The following PLAG1 variants were observed in gnomAD, a reference collection of about 807,000 sequenced individuals.
PLAG1 encodes the protein zinc finger protein PLAG1.
Under a neutral mutation model 35.5 loss-of-function variants are expected in PLAG1, and 7 were observed. The observed-to-expected ratio is 0.20, with a 90% CI of 0.11 to 0.37. The LOEUF is 0.37. Ranked by LOEUF, PLAG1 falls within the 10% of genes least tolerant of loss-of-function variation. The pLI is 1.00. For missense variants in PLAG1, 454 were observed against 602.8 expected (o/e 0.75, Z 2.58); for synonymous variants, 229 against 225.4 (o/e 1.02, Z -0.14).
chr8:56,167,219 G>A lies in PLAG1; in HGVS notation c.527C>T (p.Ser176Leu), dbSNP rs752565227. 5.0e-6 allele frequency: 8 copies of A among 1,613,904 alleles called. No individual in the cohort carries two copies. In the African/African-American group the frequency reaches 5.3e-5, roughly 11 times the overall value. The change falls in exon 5 of 5, where the codon TCG becomes TTG. Residue 176 changes from serine to leucine, a missense_variant. Ser to Leu is a moderately radical substitution (Grantham distance 145). Around this residue, in one of 4 missense-constraint regions of PLAG1, gnomAD observed 170 missense variants for 226.3 expected, o/e 0.75. Coordinates refer to ENST00000316981, the MANE Select transcript of PLAG1 (RefSeq NM_002655.3). The surrounding 1 kb of genome is among the most constrained non-coding windows in gnomAD (Gnocchi z 5.9). ...CTTTTTTTCTTTAACCCCACCAGAC[G>A]ACTTGCCTGCATGAGATTTAAGGTG... ...LEHLKSHAGK[S>L]SGGVKEKKHQ...
At position 56,167,617 on chromosome 8, in the gene PLAG1, A is replaced by T; in HGVS notation, c.243-114T>A. ...ACACAGAATTCCCTTAGTAATGGAA[A>T]CTGTTTAACTTAATATATACCACGA... On this transcript the variant is annotated intron_variant, in intron 4 of 4. Transcript: ENST00000316981. The surrounding 1 kb of genome is among the most constrained non-coding windows in gnomAD (Gnocchi z 5.9). 1.5e-6 allele frequency: 1 copy of T among 680,130 alleles called. No homozygotes were observed. The highest frequency in any genetic ancestry group is 2.5e-6 in the Non-Finnish European group (1 of 407,290). The allele number at this position is 680,130 out of a possible 1,614,324, so 42.1% of individuals were successfully genotyped here. A position where few individuals can be genotyped will look rare whatever the true frequency, so the allele number is the denominator to read the frequency against.
At chr8:56,185,193 T>C (rs1417192917) in intron 1 of PLAG1, among the ~76,000 whole-genome samples, 1 of 152,168 alleles carries the variant, frequency 6.6e-6, no homozygotes, top group African/African-American at 2.4e-5. Flanking sequence ...GATCAGAGGT[T>C]GTCTAGGGAC....
chr8:56,166,914 A>G lies in PLAG1; in HGVS notation c.832T>C (p.Leu278=). 1 of 1,614,100 alleles carries G rather than the reference A, an allele frequency of 6.2e-7. No individual in the cohort carries two copies. The highest frequency in any genetic ancestry group is 8.5e-7 in the Non-Finnish European group (1 of 1,179,978). ...AAAGTGTTTGTGAATGGCTTTGATA[A>G]CAGTTCACTGGAAGGTAAGGACATC... ...PVMSLPSSEL[L]SKPFTNTLQL... Residue 278 remains leucine (L), a synonymous_variant, in exon 5 of 5, where the codon TTA becomes CTA. Coordinates refer to ENST00000316981, the MANE Select transcript of PLAG1 (RefSeq NM_002655.3).
intron 1 of PLAG1, among the ~76,000 whole-genome samples, chr8:56,203,093 T>A (rs1038868468): frequency 6.6e-6 from 1 of 152,162 alleles, no homozygotes; most frequent in African/African-American, 2.4e-5. Context: ...TATATCACGA[T>A]CTTTAAGTAA....
chr8:56,186,870 C>T (rs899618342), intron 1 of PLAG1, among the ~76,000 whole-genome samples: 3 of 152,086 alleles, frequency 2.0e-5, no homozygotes, highest in African/African-American at 7.2e-5. Flanking sequence ...GCATGCTCTA[C>T]CACGCCTGGC....
rs1332738549 is a variant in PLAG1, at chr8:56,163,139, GTGAAAC to G, written c.*3098_*3103del. 5.4e-6 allele frequency: 1 copy of G among 185,990 alleles called. No homozygotes were observed. The highest frequency in any genetic ancestry group is 1.1e-5 in the Non-Finnish European group (1 of 89,210). The allele number at this position is 185,990 out of a possible 1,614,324, so 11.5% of individuals were successfully genotyped here. Reference sequence around the variant, plus strand: ...ACCTAACTTGTACATACATGTGGAAGTGAAACTGAATGAGGTTCAATATCTTGTCTG... The same window carrying G: ...ACCTAACTTGTACATACATGTGGAAGTGAATGAGGTTCAATATCTTGTCTG... On this transcript the variant is annotated 3_prime_UTR_variant, in exon 5 of 5. Transcript: ENST00000316981.
At chr8:56,186,682 TAA>T (rs34806294) in intron 1 of PLAG1, among the ~76,000 whole-genome samples, 20,480 of 138,422 alleles carry the variant, frequency 0.15, 1,641 homozygotes, top group Middle Eastern at 0.2. Context: ...TGGTTAGCAT[TAA>T]AAAAAAAAAA....
intron 1 of PLAG1, among the ~76,000 whole-genome samples, chr8:56,210,673 T>C (rs1217094933): frequency 6.6e-6 from 1 of 152,088 alleles, no homozygotes; most frequent in Non-Finnish European, 1.5e-5. Flanking sequence ...CTCTCAAAAC[T>C]GAATTTATAT....
chr8:56,211,013 C>G (rs1417780874), intron 1 of PLAG1, 108 bp downstream of exon 1: 2 of 153,442 alleles, frequency 1.3e-5, no homozygotes, highest in Non-Finnish European at 2.9e-5. Context: ...CCTCCTCCTG[C>G]CGCCGCCGCT....
At chr8:56,175,423 A>G (rs1314538515) in intron 2 of PLAG1, among the ~76,000 whole-genome samples, 1 of 152,216 alleles carries the variant, frequency 6.6e-6, no homozygotes, top group Non-Finnish European at 1.5e-5. Flanking sequence ...GTGAAGCAGG[A>G]GACATAGCCA....
At chr8:56,193,170 A>C (rs1392288086) in intron 1 of PLAG1, among the ~76,000 whole-genome samples, 1 of 152,212 alleles carries the variant, frequency 6.6e-6, no homozygotes, top group Non-Finnish European at 1.5e-5. Context: ...TTTTGGAAAC[A>C]CCAAGAAATA....
chr8:56,205,193 T>A (rs191751960), intron 1 of PLAG1, among the ~76,000 whole-genome samples: 2 of 152,022 alleles, frequency 1.3e-5, no homozygotes, highest in African/African-American at 2.4e-5. Flanking sequence ...TAAAATTTAT[T>A]TCATTAACTT....
intron 1 of PLAG1, among the ~76,000 whole-genome samples, chr8:56,199,736 C>T (rs1037985441): frequency 5.9e-5 from 9 of 151,922 alleles, no homozygotes; most frequent in African/African-American, 9.7e-5. Context: ...CCACCCCCCC[C>T]GATCCTCCCC....
intron 1 of PLAG1, among the ~76,000 whole-genome samples, chr8:56,200,572 T>C (rs1234907331): frequency 1.3e-5 from 2 of 152,218 alleles, no homozygotes; most frequent in South Asian, 2.1e-4. Flanking sequence ...CCGCAGCACA[T>C]AGTGCACATT....
chr8:56,200,735 C>G (rs958396471), intron 1 of PLAG1, among the ~76,000 whole-genome samples: 3 of 152,198 alleles, frequency 2.0e-5, no homozygotes, highest in African/African-American at 4.8e-5. Context: ...ACCTGAACAG[C>G]CCTGCTTCTT....
chr8:56,166,140 A>C lies in PLAG1; in HGVS notation c.*103T>G. On this transcript the variant is annotated 3_prime_UTR_variant, in exon 5 of 5. Coordinates refer to ENST00000316981, the MANE Select transcript of PLAG1 (RefSeq NM_002655.3). ...TTAATGAAAATTTGTATTATACAAA[A>C]GCAGAAATTTTTATACTGTTTTAAA... The C allele has an allele frequency of 1.3e-6, 1 of 788,824 alleles. No individual in the cohort carries two copies. Among genetic ancestry groups the C allele is most frequent in the South Asian group, 2.9e-5 (1 of 34,720 alleles). 48.9% of individuals were successfully genotyped at this position (788,824 alleles called of 1,614,324 possible). A position where few individuals can be genotyped will look rare whatever the true frequency, so the allele number is the denominator to read the frequency against.
intron 1 of PLAG1, among the ~76,000 whole-genome samples, chr8:56,191,232 C>A (rs1812172492): frequency 1.3e-5 from 2 of 152,120 alleles, no homozygotes; most frequent in Admixed American, 1.3e-4. Context: ...AAGTAGAGAG[C>A]AGTGGAGAAG....
Position 56,161,705 on chromosome 8 carries a change from C to T in PLAG1, c.*4538G>A. On this transcript the variant is annotated 3_prime_UTR_variant, in exon 5 of 5. Transcript: ENST00000316981. Reference sequence around the variant, plus strand: ...TAAAAATATATTGTACACTTTTACACCTAATGTAGTCCTTTTTCTATGGAT... The same window carrying T: ...TAAAAATATATTGTACACTTTTACATCTAATGTAGTCCTTTTTCTATGGAT... 1.3e-5 allele frequency: 3 copies of T among 227,904 alleles called. No individual in the cohort carries two copies. The highest frequency in any genetic ancestry group is 2.6e-5 in the Non-Finnish European group (3 of 114,436). The allele number at this position is 227,904 out of a possible 1,614,324, so 14.1% of individuals were successfully genotyped here. A position where few individuals can be genotyped will look rare whatever the true frequency, so the allele number is the denominator to read the frequency against.
chr8:56,183,173 G>A (rs1354393905), intron 1 of PLAG1, among the ~76,000 whole-genome samples: 1 of 152,168 alleles, frequency 6.6e-6, no homozygotes. Context: ...TACTGCTGAT[G>A]GGAGTGTAAA....
Sources: gnomAD v4.1 joint callset for allele counts (sites outside exome capture counted in the v4.1 genomes callset) on GRCh38, gnomAD v4.1.1 for gene constraint, gnomAD v4.1.1 regional missense constraint, Gnocchi (gnomAD v3.1) non-coding constraint, MANE v1.5 for transcripts, NCBI Gene and HGNC (gene_info 2026-07-23, HGNC 2026-07-21) for gene names.